ADGRL4: variants seen among roughly 807,000 people sequenced by gnomAD.
ADGRL4 encodes adhesion G protein-coupled receptor L4.
Under a neutral mutation model 74.8 loss-of-function variants are expected in ADGRL4, and 90 were observed. The observed-to-expected ratio is 1.20, with a 90% CI of 1.02 to 1.43. The LOEUF is 1.43. Among genes scored for constraint, ADGRL4 ranks in the 40% most tolerant of loss-of-function variants. The pLI is 0.00. For synonymous variants in ADGRL4, 311 were observed against 279.2 expected, an observed-to-expected ratio of 1.11 and a Z score of -1.14; for missense variants, 881 against 814.3, an observed-to-expected ratio of 1.08 and a Z score of -1.00.
chr1:78,893,031 C>CT, intron 13 of ADGRL4, 67 bp downstream of exon 13: 1 of 840,526 alleles, frequency 1.2e-6, no homozygotes, highest in Non-Finnish European at 1.9e-6. Flanking sequence ...ATTATTTGTA[C>CT]TTTGAGTTAC....
chr1:78,959,763 A>G (rs970593220), intron 2 of ADGRL4, among the ~76,000 whole-genome samples: 2 of 152,228 alleles, frequency 1.3e-5, no homozygotes, highest in African/African-American at 4.8e-5. Context: ...AACCAGAGTC[A>G]GTATAATCAG....
chr1:78,921,154 G>T (rs1352736842), intron 9 of ADGRL4, among the ~76,000 whole-genome samples: 2 of 151,660 alleles, frequency 1.3e-5, no homozygotes, highest in African/African-American at 4.8e-5. Flanking sequence ...GATTCTTCAT[G>T]TTTAAAAATC....
chr1:78,974,895 C>T (rs890737609), intron 2 of ADGRL4, among the ~76,000 whole-genome samples: 3 of 152,132 alleles, frequency 2.0e-5, no homozygotes, highest in Non-Finnish European at 2.9e-5. Flanking sequence ...AGTTAGCAAT[C>T]TTAATTCCAT....
intron 2 of ADGRL4, among the ~76,000 whole-genome samples, chr1:78,972,156 C>T (rs1650183361): frequency 6.6e-6 from 1 of 152,148 alleles, no homozygotes; most frequent in Non-Finnish European, 1.5e-5. Flanking sequence ...TTTTGAATAA[C>T]TATGTGGGAA....
intron 7 of ADGRL4, among the ~76,000 whole-genome samples, chr1:78,935,345 T>C (rs1257504004): frequency 6.6e-6 from 1 of 151,234 alleles, no homozygotes; most frequent in Admixed American, 6.6e-5. Context: ...TAAGTGGGAG[T>C]TGAACAATGA....
chr1:78,893,794 A>G (rs1020586266), intron 12 of ADGRL4, among the ~76,000 whole-genome samples: 1 of 151,910 alleles, frequency 6.6e-6, no homozygotes, highest in African/African-American at 2.4e-5. Context: ...AGGCAAATAA[A>G]TGTTAACACA....
chr1:78,965,743 A>G (rs561067553), intron 2 of ADGRL4, among the ~76,000 whole-genome samples: 1 of 152,314 alleles, frequency 6.6e-6, no homozygotes, highest in African/African-American at 2.4e-5. Context: ...TATTAAAAGA[A>G]ACCTTTAAAA....
intron 2 of ADGRL4, among the ~76,000 whole-genome samples, chr1:79,003,505 AT>A (rs56214126): frequency 0.011 from 1,655 of 150,666 alleles, 27 homozygotes; most frequent in African/African-American, 0.038. Context: ...GTCTTAAAGA[AT>A]TTTTTTTTTC....
rs1307695753 is a variant in ADGRL4, at chr1:78,938,297, C to T, written c.397-18G>A. ...GATCTGATCTGAGAAAAAATGAGTC[C>T]AGAAAAAGGAAACTAAATTAGTTCT... On this transcript the variant is annotated intron_variant, in intron 4 of 14. Coordinates refer to ENST00000370742, the MANE Select transcript of ADGRL4 (RefSeq NM_022159.4). 5 of 1,538,546 alleles carry T rather than the reference C, an allele frequency of 3.2e-6. No individual in the cohort carries two copies. Among genetic ancestry groups the T allele is most frequent in the Non-Finnish European group, 3.5e-6 (4 of 1,150,776 alleles).
rs1302000257 is a variant in ADGRL4 at position 78,890,957 on chromosome 1, CATAGT to C, written c.*192_*196del. ...GACAGAACTATTTCACATAGAAAAA[CATAGT>C]ATATCTATATGATACATAATTTTAC... On this transcript the variant is annotated 3_prime_UTR_variant, in exon 15 of 15. Transcript: ENST00000370742. 1.7e-6 allele frequency: 1 copy of C among 579,160 alleles called. No homozygotes were observed. The allele number at this position is 579,160 out of a possible 1,614,324, so 35.9% of individuals were successfully genotyped here. A position where few individuals can be genotyped will look rare whatever the true frequency, so the allele number is the denominator to read the frequency against.
chr1:78,920,373 T>A lies in ADGRL4; in HGVS notation c.1271A>T (p.Tyr424Phe). The stretch of plus-strand genomic sequence containing the variant: ...TTGAGTGATCCTTGTAAGAATATTA[T>A]AATCTTTAATACCCTAAGGGAAAAT... Reference protein sequence around the residue: ...SSGPSIGIKDYNILTRITQLG... With the variant: ...SSGPSIGIKDFNILTRITQLG... Residue 424 changes from tyrosine to phenylalanine, a missense_variant, in exon 10 of 15, where the codon TAT (tyrosine) becomes TTT (phenylalanine). By Grantham distance (22) the Tyr-to-Phe change is conservative. Coordinates refer to ENST00000370742, the MANE Select transcript of ADGRL4 (RefSeq NM_022159.4). 2 of 1,573,482 alleles carry A rather than the reference T, an allele frequency of 1.3e-6. No individual in the cohort carries two copies. Among genetic ancestry groups the A allele is most frequent in the South Asian group, 2.2e-5 (2 of 89,940 alleles).
chr1:78,994,186 A>G (rs1203896401), intron 2 of ADGRL4, among the ~76,000 whole-genome samples: 2 of 152,176 alleles, frequency 1.3e-5, no homozygotes, highest in East Asian at 3.9e-4. Context: ...GAGCAAACCA[A>G]TGTAAAGTTT....
At chr1:78,947,689 A>G (rs1358537144) in intron 2 of ADGRL4, among the ~76,000 whole-genome samples, 5 of 152,176 alleles carry the variant, frequency 3.3e-5, no homozygotes, top group African/African-American at 1.2e-4. Flanking sequence ...AGAAGAAAGG[A>G]AAATAAAGGA....
chr1:78,949,867 T>C (rs1649685690), intron 2 of ADGRL4, among the ~76,000 whole-genome samples: 1 of 152,178 alleles, frequency 6.6e-6, no homozygotes, highest in Admixed American at 6.6e-5. Flanking sequence ...TTTTAAAATG[T>C]TATTAAAATG....
At chr1:78,939,003 T>C (rs1171628142) in intron 4 of ADGRL4, among the ~76,000 whole-genome samples, 185 bp downstream of exon 4, 1 of 152,058 alleles carries the variant, frequency 6.6e-6, no homozygotes, top group African/African-American at 2.4e-5. Flanking sequence ...CTTGAATAAT[T>C]TGAGGATTTT....
rs1055875527 is a variant in ADGRL4, at chr1:78,889,989, T to A, written c.*1165A>T. The A allele has an allele frequency of 4.2e-6, 1 of 240,382 alleles. No individual in the cohort carries two copies. The highest frequency in any genetic ancestry group is 9.0e-6 in the Non-Finnish European group (1 of 110,894). 14.9% of individuals were successfully genotyped at this position (240,382 alleles called of 1,614,324 possible). A position where few individuals can be genotyped will look rare whatever the true frequency, so the allele number is the denominator to read the frequency against. On this transcript the variant is annotated 3_prime_UTR_variant, in exon 15 of 15. Coordinates refer to ENST00000370742, the MANE Select transcript of ADGRL4 (RefSeq NM_022159.4). Reference sequence around the variant, plus strand: ...ATTTAAGCAGATATGATTTAATAGATAGTAGAAAACTGTCAGAAAATGGAT... The same window carrying A: ...ATTTAAGCAGATATGATTTAATAGAAAGTAGAAAACTGTCAGAAAATGGAT...
chr1:78,925,298 G>T (rs1483776891), intron 8 of ADGRL4, among the ~76,000 whole-genome samples: 4 of 151,978 alleles, frequency 2.6e-5, no homozygotes, highest in African/African-American at 9.7e-5. Flanking sequence ...CTATAAAATG[G>T]TAATAATAGT....
At chr1:78,982,714 A>T (rs1650421205) in intron 2 of ADGRL4, among the ~76,000 whole-genome samples, 1 of 151,942 alleles carries the variant, frequency 6.6e-6, no homozygotes, top group African/African-American at 2.4e-5. Flanking sequence ...AAGATAAAAC[A>T]GCATACTGGA....
intron 12 of ADGRL4, among the ~76,000 whole-genome samples, chr1:78,904,689 G>A (rs1458338575): frequency 6.6e-6 from 1 of 151,918 alleles, no homozygotes; most frequent in Non-Finnish European, 1.5e-5. Flanking sequence ...GGACCTTAGA[G>A]CCACATTCAT....
Sources: gnomAD v4.1 joint callset for allele counts (sites outside exome capture counted in the v4.1 genomes callset) on GRCh38, gnomAD v4.1.1 for gene constraint, MANE v1.5 for transcripts, NCBI Gene and HGNC (gene_info 2026-07-23, HGNC 2026-07-21) for gene names.